FSTL5: variants seen among roughly 807,000 people sequenced by gnomAD.
The protein encoded by FSTL5 is follistatin like 5, also known as follistatin-related protein 5.
In FSTL5, 62 loss-of-function variants were observed where a neutral mutation model predicts 89.1. The ratio of observed to expected loss-of-function variants is 0.70; its 90% CI spans 0.57 to 0.86. The LOEUF is 0.86. Ranked by LOEUF, FSTL5 falls within the 40% of genes least tolerant of loss-of-function variation. The probability of loss-of-function intolerance (pLI) is 0.00; values close to 1 mark genes in which losing one functional copy is unlikely to be tolerated. For missense variants in FSTL5, 1,057 were observed against 1,001.6 expected, an observed-to-expected ratio of 1.06 and a Z score of -0.75; for synonymous variants, 383 against 346.2, an observed-to-expected ratio of 1.11 and a Z score of -1.18.
At chr4:161,655,752 T>A (rs1736493460) in intron 7 of FSTL5, among the ~76,000 whole-genome samples, 1 of 152,126 alleles carries the variant, frequency 6.6e-6, no homozygotes. Flanking sequence ...TATTTTTAGA[T>A]GCACAGAAGC....
At chr4:161,873,211 T>C (rs942124260) in intron 4 of FSTL5, among the ~76,000 whole-genome samples, 1 of 152,138 alleles carries the variant, frequency 6.6e-6, no homozygotes, top group African/African-American at 2.4e-5. Flanking sequence ...GGTGGGGCCC[T>C]AGACCCTGCA....
Position 161,988,329 on chromosome 4 carries a change from T to C in FSTL5, c.160+45296A>G, listed in dbSNP as rs956330843. Among the ~76,000 whole-genome samples the C allele has an allele frequency of 3.3e-5, 5 of 152,154 alleles. No homozygotes were observed. The South Asian group carries it at 1.0e-3, about 32-fold the overall frequency. On this transcript the variant is annotated intron_variant, in intron 3 of 15. Transcript: ENST00000306100. ...TTTGTATGTAAGGTAACAGAATAAC[T>C]GAAAACAGAAAATGGGTCATTAAAT...
At chr4:161,767,042 T>G (rs1481283637) in intron 5 of FSTL5, among the ~76,000 whole-genome samples, 1 of 152,180 alleles carries the variant, frequency 6.6e-6, no homozygotes, top group African/African-American at 2.4e-5. Flanking sequence ...TCAGTATTTC[T>G]GTCTACCCAT....
intron 7 of FSTL5, among the ~76,000 whole-genome samples, chr4:161,631,338 G>A (rs914805560): frequency 6.6e-6 from 1 of 152,026 alleles, no homozygotes. Context: ...AATAATTCAT[G>A]CGGCCCGGCA....
In FSTL5 at chr4:161,783,677, CTCTTTCTT is replaced by C. The variant is rs751181020; in HGVS notation, c.410-7611_410-7604del. On this transcript the variant is annotated intron_variant, in intron 4 of 15. Coordinates refer to ENST00000306100, the MANE Select transcript of FSTL5 (RefSeq NM_020116.5). Reference sequence around the variant, plus strand: ...TTTCTTTCTTTCTCTTTCTTTCTTTCTCTTTCTTTCTTTCTTTCTTTCTTTCTTTCTTT... The same window carrying C: ...TTTCTTTCTTTCTCTTTCTTTCTTTCTCTTTCTTTCTTTCTTTCTTTCTTT... Among the ~76,000 whole-genome samples the C allele has an allele frequency of 4.3e-3, 35 of 8,190 alleles. 3 individuals are homozygous for C. The highest frequency in any genetic ancestry group is 0.011 in the Admixed American group (6 of 526). The allele number at this position is 8,190 out of a possible 152,430, so 5.4% of individuals were successfully genotyped here.
chr4:161,600,158 A>AAC (rs71598717), intron 7 of FSTL5, among the ~76,000 whole-genome samples: 6,360 of 141,956 alleles, frequency 0.045, 184 homozygotes, highest in African/African-American at 0.093. Context: ...AATGTCAATA[A>AAC]ACACACACAC....
intron 6 of FSTL5, among the ~76,000 whole-genome samples, chr4:161,757,364 A>C (rs1371820961): frequency 5.4e-5 from 8 of 148,964 alleles, no homozygotes; most frequent in Admixed American, 4.7e-4. Context: ...ATACCGACAT[A>C]TGCACACACA....
At chr4:162,093,164 A>G (rs557622951) in intron 2 of FSTL5, among the ~76,000 whole-genome samples, 1 of 152,242 alleles carries the variant, frequency 6.6e-6, no homozygotes, top group Non-Finnish European at 1.5e-5. Flanking sequence ...GCAAATGAGA[A>G]GCGTAGTGAT....
chr4:162,139,630 T>A (rs1031940801), intron 1 of FSTL5, among the ~76,000 whole-genome samples: 2 of 152,056 alleles, frequency 1.3e-5, no homozygotes, highest in Non-Finnish European at 2.9e-5. Flanking sequence ...AATAGCTATA[T>A]GAAAAAAATT....
intron 7 of FSTL5, among the ~76,000 whole-genome samples, chr4:161,589,182 T>C (rs1256147968): frequency 6.6e-6 from 1 of 151,252 alleles, no homozygotes; most frequent in Non-Finnish European, 1.5e-5. Context: ...GTTTGTTTGT[T>C]TGTTTTTTGA....
chr4:161,933,387 C>G (rs187547981), intron 3 of FSTL5, among the ~76,000 whole-genome samples: 2 of 152,168 alleles, frequency 1.3e-5, no homozygotes, highest in African/African-American at 4.8e-5. Context: ...GAAAAATAAT[C>G]ACCTAAGCAC....
intron 7 of FSTL5, among the ~76,000 whole-genome samples, chr4:161,597,380 C>A (rs1734053953): frequency 1.4e-5 from 2 of 146,244 alleles, no homozygotes; most frequent in African/African-American, 5.1e-5. Context: ...ATCCCAAGGA[C>A]AAAAAACCAA....
chr4:161,484,881 G>A (rs1384128822), intron 12 of FSTL5, among the ~76,000 whole-genome samples: 1 of 152,112 alleles, frequency 6.6e-6, no homozygotes, highest in Non-Finnish European at 1.5e-5. Context: ...TTTCATTCTT[G>A]CAAGGCAGAG....
intron 7 of FSTL5, among the ~76,000 whole-genome samples, chr4:161,627,297 T>C (rs1469974623): frequency 6.6e-6 from 1 of 152,136 alleles, no homozygotes; most frequent in Non-Finnish European, 1.5e-5. Flanking sequence ...GATCCTCCAC[T>C]AGCAAAAAGA....
intron 4 of FSTL5, among the ~76,000 whole-genome samples, chr4:161,833,766 T>C (rs1730932231): frequency 6.6e-6 from 1 of 151,854 alleles, no homozygotes; most frequent in Non-Finnish European, 1.5e-5. Flanking sequence ...ATTTTGAGCC[T>C]ATGTGTGTCT....
At chr4:161,875,646 G>C (rs1393972210) in intron 4 of FSTL5, among the ~76,000 whole-genome samples, 1 of 152,110 alleles carries the variant, frequency 6.6e-6, no homozygotes, top group East Asian at 1.9e-4. Flanking sequence ...CCCTGCTTTC[G>C]TTCCTCTGTT....
intron 2 of FSTL5, among the ~76,000 whole-genome samples, chr4:162,097,342 G>C (rs1730805648): frequency 6.6e-6 from 1 of 151,606 alleles, no homozygotes; most frequent in South Asian, 2.1e-4. Context: ...GCATATATTT[G>C]TGTGTATATG....
chr4:161,866,290 T>C (rs1170762769), intron 4 of FSTL5, among the ~76,000 whole-genome samples: 6 of 152,182 alleles, frequency 3.9e-5, no homozygotes, highest in Non-Finnish European at 8.8e-5. Context: ...AGAAAAACTC[T>C]TTCTTCTCTT....
chr4:161,809,334 T>C (rs923531420), intron 4 of FSTL5, among the ~76,000 whole-genome samples: 1 of 152,224 alleles, frequency 6.6e-6, no homozygotes, highest in African/African-American at 2.4e-5. Context: ...ATAAGTGTTG[T>C]CTAGGACGTG....
Sources: allele counts gnomAD v4.1 joint callset (sites outside exome capture counted in the v4.1 genomes callset), GRCh38; gene constraint gnomAD v4.1.1; transcripts MANE v1.5; gene names NCBI Gene and HGNC (gene_info 2026-07-23, HGNC 2026-07-21).